Variants in SF3A3 observed in about 807,000 individuals in gnomAD.
SF3A3 encodes the protein splicing factor 3a subunit 3.
Under a neutral mutation model 85.8 loss-of-function variants are expected in SF3A3, and 9 were observed. The ratio of observed to expected loss-of-function variants is 0.10; its 90% CI spans 0.06 to 0.18. The LOEUF (loss-of-function observed/expected upper bound fraction) is 0.18, where lower values mean the gene tolerates loss of function less well. SF3A3 is among the 10% of genes least tolerant of loss of function. The pLI, the probability that SF3A3 is intolerant of heterozygous loss-of-function variation, is 1.00. For missense variants in SF3A3, 306 were observed against 593.3 expected (o/e 0.52, Z 5.03); for synonymous variants, 195 against 204.4 (o/e 0.95, Z 0.39).
At chr1:37,966,202 CA>C (rs1218921930) in intron 15 of SF3A3, among the ~76,000 whole-genome samples, 1 of 146,068 alleles carries the variant, frequency 6.8e-6, no homozygotes, top group East Asian at 2.0e-4. Flanking sequence ...GACTCTGTCT[CA>C]AAAAAATAAA....
At position 37,984,237 on chromosome 1, in the gene SF3A3, C is replaced by G. The variant is rs1246466269; in HGVS notation, c.400G>C (p.Glu134Gln). The G allele has an allele frequency of 6.2e-7, 1 of 1,606,354 alleles. No homozygotes were observed. Among genetic ancestry groups the G allele is most frequent in the Non-Finnish European group, 8.5e-7 (1 of 1,174,072 alleles). ...AGATCGAGATAACGACCATATCCCT[C>G]TTCATCTGTGAACTCCACCAAGTCT... ...AQNLVEFTDE[E>Q]GYGRYLDLHD... is the part of the protein sequence containing the mutation. The change falls in exon 6 of 17, where the codon GAG becomes CAG. Residue 134 changes from glutamate to glutamine, a missense_variant. Physicochemically the swap from Glu to Gln is conservative, Grantham distance 29. Transcript: ENST00000373019.
At chr1:37,960,627 C>T (rs1237891299) in intron 15 of SF3A3, 1 of 155,730 alleles carries the variant, frequency 6.4e-6, no homozygotes, top group East Asian at 1.9e-4. Flanking sequence ...AAGAAAAAAA[C>T]AGATACAAAC....
intron 15 of SF3A3, among the ~76,000 whole-genome samples, chr1:37,967,523 C>T (rs1192515696): frequency 6.6e-6 from 1 of 151,104 alleles, no homozygotes; most frequent in Non-Finnish European, 1.5e-5. Flanking sequence ...ACTAAAAACA[C>T]AAAAAATTAG....
At chr1:37,979,640 G>C in intron 8 of SF3A3, 107 bp from the exon 9 acceptor site, 1 of 688,484 alleles carries the variant, frequency 1.5e-6, no homozygotes, top group South Asian at 2.0e-5. Flanking sequence ...TGAATTGCTT[G>C]AGTTCAGGAG....
chr1:37,966,063 CGT>C (rs1386582283), intron 15 of SF3A3, among the ~76,000 whole-genome samples: 1 of 151,804 alleles, frequency 6.6e-6, no homozygotes, highest in Non-Finnish European at 1.5e-5. Flanking sequence ...ATTAGCCAGG[CGT>C]GGTGGCGAGC....
chr1:37,984,761 C>T lies in SF3A3; in HGVS notation c.322G>A (p.Val108Met). Residue 108 changes from valine to methionine, a missense_variant, in exon 5 of 17, where the codon GTG becomes ATG. Around this residue, in one of 4 missense-constraint regions of SF3A3, gnomAD observed 152 missense variants for 192.0 expected, o/e 0.79. Transcript: ENST00000373019. ...HPNEICVPMS[V>M]EFEELLKARE... Reference sequence around the variant, plus strand: ...GCCTTCAGGAGTTCCTCAAATTCCACTGACATTGGCACACAGATCTGAGGG... The same window carrying T: ...GCCTTCAGGAGTTCCTCAAATTCCATTGACATTGGCACACAGATCTGAGGG... 6.2e-7 allele frequency: 1 copy of T among 1,613,942 alleles called. No individual in the cohort carries two copies. The highest frequency in any genetic ancestry group is 8.5e-7 in the Non-Finnish European group (1 of 1,179,798).
At chr1:37,975,191 C>T (rs1007821135) in intron 12 of SF3A3, among the ~76,000 whole-genome samples, 9 of 152,116 alleles carry the variant, frequency 5.9e-5, no homozygotes, top group African/African-American at 1.9e-4. Flanking sequence ...GTTGGAATTC[C>T]GAAGAGAATA....
chr1:37,962,321 A>G (rs1646266453), intron 15 of SF3A3, among the ~76,000 whole-genome samples: 2 of 102,816 alleles, frequency 1.9e-5, no homozygotes, highest in South Asian at 6.8e-4. Context: ...AAAAAAAAAA[A>G]GGCTGGGCGC....
At chr1:37,974,859 T>C (rs1235153298) in intron 12 of SF3A3, among the ~76,000 whole-genome samples, 2 of 152,212 alleles carry the variant, frequency 1.3e-5, no homozygotes, top group African/African-American at 2.4e-5. Context: ...TTCCTGAACA[T>C]ATAATTTTAT....
At chr1:37,983,550 G>GCA (rs1035803023) in intron 6 of SF3A3, among the ~76,000 whole-genome samples, 51 of 112,558 alleles carry the variant, frequency 4.5e-4, no homozygotes, top group Non-Finnish European at 7.9e-4. Flanking sequence ...TCGCGCCACT[G>GCA]CACTCCAGCC....
At chr1:37,979,076 T>C in intron 9 of SF3A3, 21 bp from the exon 10 acceptor site, 1 of 1,599,998 alleles carries the variant, frequency 6.3e-7, no homozygotes, top group Non-Finnish European at 8.6e-7. Flanking sequence ...AAGAGAAAAA[T>C]TACAATATTA....
chr1:37,982,940 A>T (rs6674009), intron 6 of SF3A3, among the ~76,000 whole-genome samples: 136,704 of 151,240 alleles, frequency 0.9, 61,882 homozygotes, highest in East Asian at 1. Context: ...ACAAAAAAAA[A>T]TTTTTTTTTT....
chr1:37,981,874 T>C, intron 6 of SF3A3, 63 bp from the exon 7 acceptor site: 2 of 923,146 alleles, frequency 2.2e-6, no homozygotes, highest in African/African-American at 1.7e-5. Flanking sequence ...CAAGTTACAA[T>C]ATAATCTCCA....
intron 12 of SF3A3, among the ~76,000 whole-genome samples, chr1:37,976,422 A>T (rs2148720776): frequency 6.6e-6 from 1 of 152,286 alleles, no homozygotes; most frequent in Non-Finnish European, 1.5e-5. Flanking sequence ...GCTTTGTACT[A>T]ATAATATTCT....
Position 37,987,787 on chromosome 1 carries a change from T to A in SF3A3, c.194A>T (p.Asp65Val). The A allele has an allele frequency of 2.5e-6, 4 of 1,613,204 alleles. No individual in the cohort carries two copies. The highest frequency in any genetic ancestry group is 1.1e-5 in the South Asian group (1 of 91,052). The change falls in exon 3 of 17, where the codon GAT becomes GTT. Residue 65 changes from aspartate to valine, a missense_variant. Coordinates refer to ENST00000373019, the MANE Select transcript of SF3A3 (RefSeq NM_006802.4). ...ATTAGCTGTGACTGTCACTTACCCA[T>A]CCTTATCATCATACAAATCCCTCAG... is the stretch of plus-strand genomic sequence containing the variant. ...GNLRDLYDDKDGLRKEELNAI... is the reference protein window; with the variant it reads ...GNLRDLYDDKVGLRKEELNAI...
At chr1:37,983,681 TC>T (rs968673953) in intron 6 of SF3A3, among the ~76,000 whole-genome samples, 1 of 148,772 alleles carries the variant, frequency 6.7e-6, no homozygotes, top group Admixed American at 6.8e-5. Context: ...CATGCCTGTA[TC>T]CCAACACTGT....
intron 8 of SF3A3, among the ~76,000 whole-genome samples, chr1:37,979,999 A>C (rs925553862): frequency 6.6e-6 from 1 of 152,244 alleles, no homozygotes; most frequent in Non-Finnish European, 1.5e-5. Flanking sequence ...GAGAATGTAG[A>C]TTCCTAACAT....
At position 37,980,317 on chromosome 1, in the gene SF3A3, G is replaced by A. The variant is rs151131526; in HGVS notation, c.690+269C>T. 2.7e-3 allele frequency among the ~76,000 whole-genome samples: 418 copies of A among 152,058 alleles called. 1 individual carries two copies. Among genetic ancestry groups the A allele is most frequent in the African/African-American group, 8.6e-3 (357 of 41,488 alleles). ...CGCGTGCCTGTAATCCCAGTTACTC[G>A]GGAGGCTGAGGCAGGAGAACTGCTT... On this transcript the variant is annotated intron_variant, in intron 8 of 16. Coordinates refer to ENST00000373019, the MANE Select transcript of SF3A3 (RefSeq NM_006802.4).
chr1:37,961,673 G>C (rs1646259444), intron 15 of SF3A3, among the ~76,000 whole-genome samples: 1 of 145,362 alleles, frequency 6.9e-6, no homozygotes. Flanking sequence ...CTTACTATGT[G>C]ACAGGGCAGG....
Sources: allele counts gnomAD v4.1 joint callset (sites outside exome capture counted in the v4.1 genomes callset), GRCh38; gene constraint gnomAD v4.1.1; regional missense constraint gnomAD v4.1.1; transcripts MANE v1.5; gene names NCBI Gene and HGNC (gene_info 2026-07-23, HGNC 2026-07-21).